The following CEP85 variants were observed in gnomAD, a reference collection of about 807,000 sequenced individuals.
CEP85 encodes centrosomal protein 85.
CEP85 carries 58 observed loss-of-function variants against 93.7 expected under a neutral mutation model. The observed-to-expected ratio is 0.62, with a 90% CI of 0.50 to 0.77. CEP85 has a LOEUF of 0.77. Among genes scored for constraint, CEP85 ranks in the 30% least tolerant of loss-of-function variants. CEP85 has a pLI of 0.00. For missense variants in CEP85, 868 were observed against 922.0 expected (o/e 0.94, Z 0.76); for synonymous variants, 314 against 338.6 (o/e 0.93, Z 0.80).
intron 11 of CEP85, 184 bp downstream of exon 11, chr1:26,272,255 A>G: frequency 1.6e-6 from 1 of 632,862 alleles, no homozygotes; most frequent in Non-Finnish European, 2.8e-6. Context: ...GAGTTTCAGC[A>G]CAGTACTGTG....
chr1:26,253,331 C>A (rs910468834), intron 3 of CEP85, among the ~76,000 whole-genome samples: 2 of 151,832 alleles, frequency 1.3e-5, no homozygotes, highest in African/African-American at 4.8e-5. Flanking sequence ...TACATTCCCC[C>A]CAACTGTGTA....
intron 11 of CEP85, chr1:26,272,374 C>T (rs2089988039): frequency 2.7e-6 from 1 of 370,962 alleles, no homozygotes; most frequent in Non-Finnish European, 5.0e-6. Flanking sequence ...AGGAGTTAGC[C>T]AGGCAAACAA....
chr1:26,265,987 CACCT>C (rs2089888268), intron 7 of CEP85, among the ~76,000 whole-genome samples: 1 of 152,006 alleles, frequency 6.6e-6, no homozygotes, highest in African/African-American at 2.4e-5. Context: ...GTGGGTGGAT[CACCT>C]AAGGTCAGGA....
At chr1:26,249,994 A>T (rs1021517687) in intron 3 of CEP85, among the ~76,000 whole-genome samples, 1 of 152,146 alleles carries the variant, frequency 6.6e-6, no homozygotes, top group Admixed American at 6.5e-5. Context: ...AATCCTCCTG[A>T]GTTAGACTAC....
intron 3 of CEP85, among the ~76,000 whole-genome samples, chr1:26,254,375 C>T (rs994233926): frequency 6.6e-6 from 1 of 151,630 alleles, no homozygotes; most frequent in Non-Finnish European, 1.5e-5. Flanking sequence ...GGGTTGTCTC[C>T]CAAGACCAGG....
chr1:26,259,086 C>A (rs2124588451), intron 6 of CEP85, among the ~76,000 whole-genome samples: 1 of 152,160 alleles, frequency 6.6e-6, no homozygotes, highest in East Asian at 1.9e-4. Flanking sequence ...AAGGCAGTAT[C>A]CTGTCTCATA....
intron 6 of CEP85, among the ~76,000 whole-genome samples, chr1:26,258,723 A>G (rs1364287156): frequency 1.3e-5 from 2 of 151,996 alleles, no homozygotes; most frequent in Admixed American, 1.3e-4. Flanking sequence ...CAGCCTCCCA[A>G]GTAGCTAGGA....
chr1:26,258,764 T>C (rs542957147), intron 6 of CEP85, among the ~76,000 whole-genome samples: 34 of 152,066 alleles, frequency 2.2e-4, no homozygotes, highest in Non-Finnish European at 4.1e-4. Flanking sequence ...GCCTGGCTAA[T>C]TTTTATATTT....
At chr1:26,270,696 A>G (rs2089960954) in intron 9 of CEP85, among the ~76,000 whole-genome samples, 1 of 152,238 alleles carries the variant, frequency 6.6e-6, no homozygotes, top group Non-Finnish European at 1.5e-5. Context: ...ACTTTCTACA[A>G]TGTACATGTA....
At chr1:26,267,848 T>A (rs2089915100) in intron 7 of CEP85, among the ~76,000 whole-genome samples, 1 of 152,192 alleles carries the variant, frequency 6.6e-6, no homozygotes, top group South Asian at 2.1e-4. Context: ...GTGATCTGCA[T>A]CCATTCTGAG....
At chr1:26,243,896 G>C (rs1239901916) in intron 2 of CEP85, among the ~76,000 whole-genome samples, 4 of 149,462 alleles carry the variant, frequency 2.7e-5, no homozygotes, top group African/African-American at 1.0e-4. Flanking sequence ...TACTCGGGAG[G>C]CTAAGGCAGA....
intron 1 of CEP85, among the ~76,000 whole-genome samples, chr1:26,235,540 A>G (rs4329500): frequency 0.87 from 129,861 of 148,452 alleles, 57,745 homozygotes; most frequent in Non-Finnish European, 0.93. Context: ...GCTGCCAAGC[A>G]TGATGTTCCA....
At chr1:26,234,448 C>G (rs1415363263) in intron 1 of CEP85, 138 bp downstream of exon 1, 1 of 152,228 alleles carries the variant, frequency 6.6e-6, no homozygotes, top group East Asian at 1.9e-4. Flanking sequence ...GCCTCGGCTC[C>G]GAAGCCAGTG....
At chr1:26,243,063 A>C (rs1249529633) in intron 2 of CEP85, among the ~76,000 whole-genome samples, 1 of 150,688 alleles carries the variant, frequency 6.6e-6, no homozygotes, top group African/African-American at 2.4e-5. Context: ...GACTTTCAAA[A>C]CTCACCTTGA....
intron 3 of CEP85, among the ~76,000 whole-genome samples, chr1:26,248,825 A>C (rs1344543929): frequency 7.7e-6 from 1 of 130,582 alleles, no homozygotes; most frequent in Non-Finnish European, 1.6e-5. Context: ...CTTCCGGGTT[A>C]ATGCCATTCT....
Position 26,248,722 on chromosome 1 carries a change from C to CTTTTTTTTTTTTTTTTTTTTTTTT in CEP85, c.208+4426_208+4427insTTTTTTTTTTTTTTTTTTTTTTTT, listed in dbSNP as rs573449499. 1.1e-4 allele frequency among the ~76,000 whole-genome samples: 6 copies of CTTTTTTTTTTTTTTTTTTTTTTTT among 56,212 alleles called. 2 individuals are homozygous for CTTTTTTTTTTTTTTTTTTTTTTTT. Among genetic ancestry groups the CTTTTTTTTTTTTTTTTTTTTTTTT allele is most frequent in the Admixed American group, 3.1e-4 (1 of 3,224 alleles). 36.9% of individuals were successfully genotyped at this position (56,212 alleles called of 152,430 possible). ...TGTTGGCCAGTCTGGGTCTTGAACT[C>CTTTTTTTTTTTTTTTTTTTTTTTT]TTTTTTTTTTTTTTTTTTTTTTGAG... is the stretch of plus-strand genomic sequence containing the variant. On this transcript the variant is annotated intron_variant, in intron 3 of 13. Coordinates refer to ENST00000451429, the MANE Select transcript of CEP85 (RefSeq NM_001319944.2).
At chr1:26,243,928 T>C (rs1339839186) in intron 2 of CEP85, among the ~76,000 whole-genome samples, 2 of 134,820 alleles carry the variant, frequency 1.5e-5, no homozygotes, top group African/African-American at 5.8e-5. Flanking sequence ...ACCCAGGAGG[T>C]GGAGGCTGCA....
At chr1:26,269,268 C>T in intron 8 of CEP85, 192 bp from the exon 9 acceptor site, 1 of 584,634 alleles carries the variant, frequency 1.7e-6, no homozygotes, top group Non-Finnish European at 3.0e-6. Flanking sequence ...ACTCCTTCCC[C>T]TCCCCTGTCC....
At chr1:26,257,841 T>A in intron 5 of CEP85, 111 bp downstream of exon 5, 1 of 1,226,238 alleles carries the variant, frequency 8.2e-7, no homozygotes, top group Non-Finnish European at 1.2e-6. Flanking sequence ...TAGGTCCATG[T>A]CTTGCCTCAT....
Sources: gnomAD v4.1 joint callset for allele counts (sites outside exome capture counted in the v4.1 genomes callset) on GRCh38, gnomAD v4.1.1 for gene constraint, MANE v1.5 for transcripts, NCBI Gene and HGNC (gene_info 2026-07-23, HGNC 2026-07-21) for gene names.